Variants in RPUSD1 observed in about 807,000 individuals in gnomAD.
RPUSD1 encodes pseudouridylate synthase RPUSD1.
A neutral mutation model predicts 22.4 loss-of-function variants in RPUSD1; 28 were observed. That is an observed-to-expected ratio of 1.25 (90% confidence interval 0.93 to 1.72). RPUSD1 has a LOEUF of 1.72. RPUSD1 is among the 40% of genes most tolerant of loss of function. The pLI is 0.00. For synonymous variants in RPUSD1, 298 were observed against 201.0 expected (o/e 1.48, Z -4.08); for missense variants, 596 against 442.2 (o/e 1.35, Z -3.12).
chr16:787,347 G>T lies in RPUSD1; in HGVS notation c.306+7C>A, dbSNP rs201753482. The T allele has an allele frequency of 6.3e-7, 1 of 1,581,890 alleles. No individual in the cohort carries two copies. On this transcript the variant is annotated splice_region_variant and intron_variant, in intron 3 of 5. Coordinates refer to ENST00000007264, the MANE Select transcript of RPUSD1 (RefSeq NM_058192.3). ...CACGCCCCACCCCAGGACTGACCAG[G>T]TCTTACCAATGCCAGGTAAGCCTTG...
rs201753482 is a variant in RPUSD1 at position 787,347 on chromosome 16, G to A, written c.306+7C>T. ...CACGCCCCACCCCAGGACTGACCAG[G>A]TCTTACCAATGCCAGGTAAGCCTTG... On this transcript the variant is annotated splice_region_variant and intron_variant, in intron 3 of 5. Transcript: ENST00000007264. 9 of 1,581,890 alleles carry A rather than the reference G, an allele frequency of 5.7e-6. No individual in the cohort carries two copies. In the East Asian group the frequency reaches 1.4e-4, roughly 25 times the overall value.
In RPUSD1 at chr16:787,744, C is replaced by T; in HGVS notation, c.-7G>A. The T allele has an allele frequency of 4.4e-6, 7 of 1,606,634 alleles. No individual in the cohort carries two copies. Among genetic ancestry groups the T allele is most frequent in the Non-Finnish European group, 5.9e-6 (7 of 1,178,664 alleles). On this transcript the variant is annotated splice_region_variant and 5_prime_UTR_variant, in exon 2 of 6. Transcript: ENST00000007264. The stretch of plus-strand genomic sequence containing the variant: ...CCACGCTGCCTGGCTCCATGGCCGG[C>T]CTGCCGAGCCACGCGTGGGTGCGTG...
chr16:785,945 G>T lies in RPUSD1; in HGVS notation c.*5C>A, dbSNP rs755109863. 2.2e-5 allele frequency: 31 copies of T among 1,430,792 alleles called. No individual in the cohort carries two copies. In the South Asian group the frequency reaches 4.5e-4, roughly 21 times the overall value. The allele number at this position is 1,430,792 out of a possible 1,614,324, so 88.6% of individuals were successfully genotyped here. ...CTGACACCCCCTGCCCCAGCCCCACGGCTCTCAGCTGTCCGGTTCCAGCGT... is the reference window on the plus strand; with the variant it reads ...CTGACACCCCCTGCCCCAGCCCCACTGCTCTCAGCTGTCCGGTTCCAGCGT... On this transcript the variant is annotated 3_prime_UTR_variant, in exon 6 of 6. Transcript: ENST00000007264.
At position 787,000 on chromosome 16, in the gene RPUSD1, C is replaced by T. The variant is rs1337486177; in HGVS notation, c.410-72G>A. The T allele has an allele frequency of 1.9e-6, 3 of 1,563,682 alleles. No individual in the cohort carries two copies. The African/African-American group carries it at 4.2e-5, about 22-fold the overall frequency. ...CCCAGGCCCACCCCAACGCACGATG[C>T]CCGCCCGGTGGGTCCCTGCCTGCCC... On this transcript the variant is annotated intron_variant, in intron 4 of 5. Transcript: ENST00000007264.
Position 786,377 on chromosome 16 carries a change from C to A in RPUSD1, c.512G>T (p.Gly171Val). Residue 171 changes from glycine to valine, a missense_variant and splice_region_variant, in exon 6 of 6, where the codon GGC (glycine) becomes GTC (valine). Gly to Val is a moderately radical substitution (Grantham distance 109). Transcript: ENST00000007264. ...GTGCACGCGCAGCTGGTGTGTCCGG[C>A]CTGCGGGATGAGGGCGGTGCCGGAT... Reference protein sequence around the residue: ...VSKVLLKPLTGRTHQLRVHCS... With the variant: ...VSKVLLKPLTVRTHQLRVHCS... 6.2e-7 allele frequency: 1 copy of A among 1,602,490 alleles called. No homozygotes were observed. The highest frequency in any genetic ancestry group is 1.1e-5 in the South Asian group (1 of 90,678).
At chr16:788,231 C>G in intron 1 of RPUSD1, 25 bp downstream of exon 1, 1 of 392,450 alleles carries the variant, frequency 2.5e-6, no homozygotes, top group Non-Finnish European at 4.9e-6. Context: ...GCCCCTCCCG[C>G]GCCCACGCCC....
At chr16:786,995 C>T (rs925561047) in intron 4 of RPUSD1, 67 bp from the exon 5 acceptor site, 13 of 1,564,590 alleles carry the variant, frequency 8.3e-6, no homozygotes, top group South Asian at 4.7e-5. Context: ...CCCCAACGCA[C>T]GATGCCCGCC....
rs1567382086 is a variant in RPUSD1 at position 787,659 on chromosome 16, C to A, written c.79G>T (p.Val27Phe). 1 of 1,612,378 alleles carries A rather than the reference C, an allele frequency of 6.2e-7. No homozygotes were observed. The highest frequency in any genetic ancestry group is 2.2e-5 in the East Asian group (1 of 44,890). Residue 27 changes from valine (V) to phenylalanine (F), a missense_variant, in exon 2 of 6, where the codon GTT (valine) becomes TTT (phenylalanine). Coordinates refer to ENST00000007264, the MANE Select transcript of RPUSD1 (RefSeq NM_058192.3). ...CGCCACGCCTTGCTGTCAATGCGAA[C>A]GTCCCAGTGCTTGTTGACCACCAGG... Reference protein sequence around the residue: ...DFLVVNKHWDVRIDSKAWRET... With the variant: ...DFLVVNKHWDFRIDSKAWRET...
chr16:787,160 T>C lies in RPUSD1; in HGVS notation c.326A>G (p.Glu109Gly), dbSNP rs763387297. Residue 109 changes from glutamate to glycine, a missense_variant, in exon 4 of 6, where the codon GAG (glutamate) becomes GGG (glycine). Coordinates refer to ENST00000007264, the MANE Select transcript of RPUSD1 (RefSeq NM_058192.3). ...YLALLRGHIQ[E>G]SRVTISHAIG... ...GGCATGGCTGATGGTTACCCGGCTC[T>C]CCTGGATGTGCCCCCGCAGCTGCAG... is the stretch of plus-strand genomic sequence containing the variant. 1 of 1,606,196 alleles carries C rather than the reference T, an allele frequency of 6.2e-7. No homozygotes were observed. The highest frequency in any genetic ancestry group is 1.1e-5 in the South Asian group (1 of 90,696).
chr16:787,966 C>G lies in RPUSD1; in HGVS notation c.-7-222G>C, dbSNP rs555228671. The G allele has an allele frequency of 5.2e-4, 307 of 594,072 alleles. 1 individual carries two copies. The African/African-American group carries it at 5.4e-3, about 11-fold the overall frequency. 36.8% of individuals were successfully genotyped at this position (594,072 alleles called of 1,614,324 possible). On this transcript the variant is annotated intron_variant, in intron 1 of 5. Transcript: ENST00000007264. The stretch of plus-strand genomic sequence containing the variant: ...CTGCTCCGGGCTGACCTGAAGGGCC[C>G]TGCCTGACCTAAGCCTGGAGAAAGA...
intron 5 of RPUSD1, 112 bp downstream of exon 5, chr16:786,715 T>G: frequency 2.2e-6 from 2 of 898,822 alleles, no homozygotes; most frequent in South Asian, 1.3e-5. Context: ...AACGCAGGAG[T>G]GCTTGTTGCC....
rs374207163 is a variant in RPUSD1 at position 787,441 on chromosome 16, C to T, written c.219G>A (p.Ala73=). The T allele has an allele frequency of 1.3e-4, 204 of 1,582,388 alleles. 1 individual carries two copies. In the Middle Eastern group the frequency reaches 1.7e-3, roughly 13 times the overall value. ...CHQLDFSTSG[A]LCVALNKAAA... ...CTGCCTTGTTTAGGGCCACGCACAGCGCCCCGCTGGTGGAGAAATCCAGCT... is the reference window on the plus strand; with the variant it reads ...CTGCCTTGTTTAGGGCCACGCACAGTGCCCCGCTGGTGGAGAAATCCAGCT... The change falls in exon 3 of 6, where the codon GCG becomes GCA. Residue 73 remains alanine, a synonymous_variant. Coordinates refer to ENST00000007264, the MANE Select transcript of RPUSD1 (RefSeq NM_058192.3).
In RPUSD1 at chr16:787,431, C is replaced by A. The variant is rs769970055; in HGVS notation, c.229G>T (p.Ala77Ser). 2 of 1,582,654 alleles carry A rather than the reference C, an allele frequency of 1.3e-6. No individual in the cohort carries two copies. The highest frequency in any genetic ancestry group is 2.7e-5 in the African/African-American group (2 of 73,972). ...CTGCCGGCGGCTGCCTTGTTTAGGG[C>A]CACGCACAGCGCCCCGCTGGTGGAG... Reference protein sequence around the residue: ...DFSTSGALCVALNKAAAGSAY... With the variant: ...DFSTSGALCVSLNKAAAGSAY... The change falls in exon 3 of 6, where the codon GCC (alanine) becomes TCC (serine). Residue 77 changes from alanine to serine, a missense_variant. Ala to Ser is a moderately conservative substitution (Grantham distance 99, BLOSUM62 1). Coordinates refer to ENST00000007264, the MANE Select transcript of RPUSD1 (RefSeq NM_058192.3).
rs772728932 is a variant in RPUSD1, at chr16:787,447, G to A, written c.213C>T (p.Ser71=). 9.5e-6 allele frequency: 15 copies of A among 1,583,314 alleles called. No individual in the cohort carries two copies. The Admixed American group carries it at 1.1e-4, about 11-fold the overall frequency. ...TGTTTAGGGCCACGCACAGCGCCCC[G>A]CTGGTGGAGAAATCCAGCTGGTGGC... is the stretch of plus-strand genomic sequence containing the variant. ...RFCHQLDFST[S]GALCVALNKA... The change falls in exon 3 of 6, where the codon AGC becomes AGT. Residue 71 remains serine (S), a synonymous_variant. Coordinates refer to ENST00000007264, the MANE Select transcript of RPUSD1 (RefSeq NM_058192.3).
Position 785,857 on chromosome 16 carries a change from C to T in RPUSD1, c.*93G>A, listed in dbSNP as rs995369184. ...GTGGGCCTGATGCTGCCTGGCACCT[C>T]GAGGCCCCAGAGCCAGTGAGCAGAC... On this transcript the variant is annotated 3_prime_UTR_variant, in exon 6 of 6. Coordinates refer to ENST00000007264, the MANE Select transcript of RPUSD1 (RefSeq NM_058192.3). 60 of 1,172,040 alleles carry T rather than the reference C, an allele frequency of 5.1e-5. 1 individual carries two copies. The highest frequency in any genetic ancestry group is 4.6e-4 in the South Asian group (21 of 45,412). 72.6% of individuals were successfully genotyped at this position (1,172,040 alleles called of 1,614,324 possible).
At position 787,110 on chromosome 16, in the gene RPUSD1, G is replaced by T. The variant is rs751668704; in HGVS notation, c.376C>A (p.Arg126=). ...CCCTCGATGCACATGGTGTGGGCCC[G>T]GCCCTCCGTGCTGTTCCTGCCAATG... ...HAIGRNSTEG[R]AHTMCIEGSQ... Residue 126 remains arginine (R), a synonymous_variant, in exon 4 of 6, where the codon CGG becomes AGG. Coordinates refer to ENST00000007264, the MANE Select transcript of RPUSD1 (RefSeq NM_058192.3). The T allele has an allele frequency of 5.0e-6, 8 of 1,607,452 alleles. No homozygotes were observed. The highest frequency in any genetic ancestry group is 5.9e-6 in the Non-Finnish European group (7 of 1,178,956).
chr16:788,113 C>A, intron 1 of RPUSD1, 143 bp downstream of exon 1: 1 of 468,216 alleles, frequency 2.1e-6, no homozygotes, highest in Non-Finnish European at 4.1e-6. Context: ...GGCCCGGCAG[C>A]CAGGTCTGCC....
intron 4 of RPUSD1, 66 bp downstream of exon 4, chr16:787,011 G>T: frequency 6.4e-7 from 1 of 1,565,796 alleles, no homozygotes; most frequent in Non-Finnish European, 8.7e-7. Context: ...CCGCCCGGTG[G>T]GTCCCTGCCT....
intron 1 of RPUSD1, 86 bp from the exon 2 acceptor site, chr16:787,830 C>G (rs1211909777): frequency 7.0e-7 from 1 of 1,434,008 alleles, no homozygotes; most frequent in East Asian, 2.3e-5. Flanking sequence ...CCGCCCCACC[C>G]GGGCTCCGGT....
Sources: allele counts gnomAD v4.1 joint callset, GRCh38; gene constraint gnomAD v4.1.1; transcripts MANE v1.5; gene names NCBI Gene and HGNC (gene_info 2026-07-23, HGNC 2026-07-21).